The following GRIA2 variants were observed in gnomAD, a reference collection of about 807,000 sequenced individuals.
GRIA2 encodes the protein glutamate ionotropic receptor AMPA type subunit 2.
Under a neutral mutation model 97.3 loss-of-function variants are expected in GRIA2, and 14 were observed. The observed-to-expected ratio is 0.14, with a 90% confidence interval of 0.10 to 0.23. GRIA2 has a LOEUF of 0.23. Ranked by LOEUF, GRIA2 falls within the 10% of genes least tolerant of loss-of-function variation. The pLI is 1.00. For missense variants in GRIA2, 558 were observed against 1,069.8 expected, an observed-to-expected ratio of 0.52 and a Z score of 6.67; for synonymous variants, 412 against 387.8, an observed-to-expected ratio of 1.06 and a Z score of -0.73.
At chr4:157,347,109 A>G (rs1735796835) in intron 12 of GRIA2, among the ~76,000 whole-genome samples, 1 of 152,174 alleles carries the variant, frequency 6.6e-6, no homozygotes, top group South Asian at 2.1e-4. Flanking sequence ...CGTGCAGCTC[A>G]TTCAGTAGTT....
chr4:157,251,379 T>TA (rs966763239), intron 2 of GRIA2, among the ~76,000 whole-genome samples: 1 of 152,048 alleles, frequency 6.6e-6, no homozygotes, highest in Non-Finnish European at 1.5e-5. Context: ...CAGAAAAAAA[T>TA]AAAAAACAAT....
intron 4 of GRIA2, among the ~76,000 whole-genome samples, chr4:157,316,902 G>C (rs988242759): frequency 6.6e-6 from 1 of 152,108 alleles, no homozygotes; most frequent in Admixed American, 6.5e-5. Context: ...TACTCTCTTC[G>C]TAATTGATAC....
rs542769564 is a variant in GRIA2 at position 157,256,582 on chromosome 4, T to C, written c.229+34775T>C. 2.0e-5 allele frequency among the ~76,000 whole-genome samples: 3 copies of C among 151,908 alleles called. No homozygotes were observed. The East Asian group carries it at 5.8e-4, about 29-fold the overall frequency. ...CTGAAATTATGATCACACAGAACCA[T>C]TTGTGTTCTAGGGAGCAACTGGAAC... On this transcript the variant is annotated intron_variant, in intron 2 of 15. Coordinates refer to ENST00000264426, the MANE Select transcript of GRIA2 (RefSeq NM_001083619.3).
intron 11 of GRIA2, 93 bp downstream of exon 11, chr4:157,336,840 G>T: frequency 5.1e-6 from 6 of 1,166,700 alleles, no homozygotes; most frequent in Non-Finnish European, 7.3e-6. Context: ...GTTACCAGCT[G>T]CCGACTTCCT....
intron 4 of GRIA2, among the ~76,000 whole-genome samples, chr4:157,315,414 A>G (rs1366711450): frequency 1.3e-5 from 2 of 151,528 alleles, no homozygotes. Context: ...TATTCACTCA[A>G]CCAGTGTTTT....
chr4:157,292,131 G>T (rs1733131813), intron 2 of GRIA2, among the ~76,000 whole-genome samples: 1 of 151,658 alleles, frequency 6.6e-6, no homozygotes, highest in Non-Finnish European at 1.5e-5. Context: ...AAATGCTAAA[G>T]AAAAAAATGC....
intron 6 of GRIA2, 102 bp downstream of exon 6, chr4:157,321,701 G>C: frequency 1.4e-6 from 1 of 726,394 alleles, no homozygotes; most frequent in Non-Finnish European, 2.3e-6. Context: ...GGAGTAGAGA[G>C]CACGTTTCAA....
chr4:157,326,135 G>A (rs1464463705), intron 6 of GRIA2, among the ~76,000 whole-genome samples: 2 of 151,826 alleles, frequency 1.3e-5, no homozygotes, highest in African/African-American at 4.8e-5. Context: ...CCTACTTTAG[G>A]GCCTTTGAAC....
At chr4:157,354,999 C>A (rs1422857759) in intron 12 of GRIA2, among the ~76,000 whole-genome samples, 1 of 152,090 alleles carries the variant, frequency 6.6e-6, no homozygotes, top group Non-Finnish European at 1.5e-5. Flanking sequence ...AAGACCCTAA[C>A]CTTCTGAAAT....
chr4:157,323,081 A>C (rs2126909647), intron 6 of GRIA2, among the ~76,000 whole-genome samples: 2 of 152,168 alleles, frequency 1.3e-5, no homozygotes, highest in Middle Eastern at 3.4e-3. Flanking sequence ...CACGCCTGTA[A>C]TCCCTGCACT....
At chr4:157,230,876 A>G (rs1729982175) in intron 2 of GRIA2, among the ~76,000 whole-genome samples, 1 of 151,794 alleles carries the variant, frequency 6.6e-6, no homozygotes, top group African/African-American at 2.4e-5. Context: ...TTCTTAGCGA[A>G]AGGGTCTCGC....
At chr4:157,282,779 C>T (rs1732665640) in intron 2 of GRIA2, among the ~76,000 whole-genome samples, 2 of 152,028 alleles carry the variant, frequency 1.3e-5, no homozygotes, top group Non-Finnish European at 2.9e-5. Context: ...GTAGGAACAT[C>T]ACTCAGGTCT....
At chr4:157,329,463 T>C (rs1025538942) in intron 6 of GRIA2, among the ~76,000 whole-genome samples, 5 of 151,942 alleles carry the variant, frequency 3.3e-5, no homozygotes, top group African/African-American at 4.8e-5. Flanking sequence ...AAATAATTGA[T>C]GTTAAAGAAA....
At chr4:157,248,320 C>T (rs975061556) in intron 2 of GRIA2, among the ~76,000 whole-genome samples, 1 of 150,180 alleles carries the variant, frequency 6.7e-6, no homozygotes, top group South Asian at 2.1e-4. Flanking sequence ...ATAAGATGTA[C>T]TCAGAATCAA....
chr4:157,225,325 C>G (rs1729694072), intron 2 of GRIA2, among the ~76,000 whole-genome samples: 1 of 151,948 alleles, frequency 6.6e-6, no homozygotes, highest in Non-Finnish European at 1.5e-5. Context: ...CATTTTTTCT[C>G]CATCATTCCC....
intron 2 of GRIA2, among the ~76,000 whole-genome samples, chr4:157,251,692 T>C (rs1731029047): frequency 6.6e-6 from 1 of 152,152 alleles, no homozygotes. Flanking sequence ...TGAATGTTCT[T>C]CCAATAACAC....
intron 6 of GRIA2, among the ~76,000 whole-genome samples, chr4:157,332,613 T>C (rs1312506602): frequency 1.3e-5 from 2 of 151,474 alleles, no homozygotes. Context: ...TAATAGAAAA[T>C]GTTTAGAGTC....
At chr4:157,328,438 G>A (rs528080369) in intron 6 of GRIA2, among the ~76,000 whole-genome samples, 13 of 152,076 alleles carry the variant, frequency 8.5e-5, no homozygotes, top group South Asian at 2.1e-4. Flanking sequence ...TCCAGGTGCC[G>A]AAACTGAATC....
intron 2 of GRIA2, among the ~76,000 whole-genome samples, chr4:157,249,032 T>C (rs1730907036): frequency 6.6e-6 from 1 of 151,762 alleles, no homozygotes; most frequent in Non-Finnish European, 1.5e-5. Flanking sequence ...AAACATGAAG[T>C]CTATGTTGCC....
Sources: gnomAD v4.1 joint callset for allele counts (sites outside exome capture counted in the v4.1 genomes callset) on GRCh38, gnomAD v4.1.1 for gene constraint, MANE v1.5 for transcripts, NCBI Gene and HGNC (gene_info 2026-07-23, HGNC 2026-07-21) for gene names.